CPNE4: variants seen among roughly 807,000 people sequenced by gnomAD.
CPNE4 encodes the protein copine-4.
In CPNE4, 25 loss-of-function variants were observed where a neutral mutation model predicts 67.9. That is an observed-to-expected ratio of 0.37 (90% CI 0.27 to 0.51). The LOEUF is 0.51. CPNE4 is among the 20% of genes least tolerant of loss of function. CPNE4 has a pLI of 0.93. For missense variants in CPNE4, 464 were observed against 690.8 expected, an observed-to-expected ratio of 0.67 and a Z score of 3.68; for synonymous variants, 242 against 244.9, an observed-to-expected ratio of 0.99 and a Z score of 0.11.
intron 2 of CPNE4, among the ~76,000 whole-genome samples, chr3:131,770,930 A>G (rs951163288): frequency 3.9e-5 from 6 of 152,186 alleles, no homozygotes; most frequent in Admixed American, 1.3e-4. Flanking sequence ...ATATCTTTTC[A>G]AAAGTTGGAT....
In CPNE4 at chr3:131,624,697, C is replaced by T. The variant is rs547001423; in HGVS notation, c.682-37115G>A. On this transcript the variant is annotated intron_variant, in intron 7 of 15. Transcript: ENST00000429747. ...GAGACCTAGAACCTATAAATCTTAACATGGAGTAATTTTTCAGGAGGCAAA... is the reference window on the plus strand; with the variant it reads ...GAGACCTAGAACCTATAAATCTTAATATGGAGTAATTTTTCAGGAGGCAAA... 1.2e-4 allele frequency among the ~76,000 whole-genome samples: 19 copies of T among 152,280 alleles called. No homozygotes were observed. In the South Asian group the frequency reaches 3.7e-3, roughly 30 times the overall value.
At position 131,533,755 on chromosome 3, in the gene CPNE4, C is replaced by A. The variant is rs1290085646; in HGVS notation, c.*1440G>T. On this transcript the variant is annotated 3_prime_UTR_variant, in exon 16 of 16. Transcript: ENST00000429747. ...TTTTATTTGCTTGTTAATACTGCTCCCCTCTTCAAACAAACAACAAATTTT... is the reference window on the plus strand; with the variant it reads ...TTTTATTTGCTTGTTAATACTGCTCACCTCTTCAAACAAACAACAAATTTT... The A allele has an allele frequency of 1.3e-5, 2 of 152,120 alleles. No homozygotes were observed. The highest frequency in any genetic ancestry group is 4.8e-5 in the African/African-American group (2 of 41,416). The allele number at this position is 152,120 out of a possible 1,614,324, so 9.4% of individuals were successfully genotyped here.
rs1342197178 is a variant in CPNE4, at chr3:132,034,752, G to T, written c.-187C>A. 9 of 985,218 alleles carry T rather than the reference G, an allele frequency of 9.1e-6. No homozygotes were observed. The highest frequency in any genetic ancestry group is 4.7e-5 in the South Asian group (1 of 21,266). The allele number at this position is 985,218 out of a possible 1,614,324, so 61.0% of individuals were successfully genotyped here. On this transcript the variant is annotated 5_prime_UTR_variant, in exon 1 of 16. Transcript: ENST00000429747. ...AGGTCAGTTTAGCAACAGCGGCTGG[G>T]AAAGGTGCTGAGAGCAGAGTTCGGT...
chr3:131,797,202 A>T (rs1289001385), intron 2 of CPNE4, among the ~76,000 whole-genome samples: 1 of 152,202 alleles, frequency 6.6e-6, no homozygotes, highest in African/African-American at 2.4e-5. Flanking sequence ...AGAATACTTT[A>T]CACCCCTCAT....
intron 2 of CPNE4, among the ~76,000 whole-genome samples, chr3:131,785,917 A>G (rs1224088285): frequency 6.6e-6 from 1 of 152,142 alleles, no homozygotes; most frequent in Non-Finnish European, 1.5e-5. Context: ...TTCAGATAGT[A>G]TAAATCAGAA....
At chr3:132,006,351 G>A (rs946113723) in intron 1 of CPNE4, among the ~76,000 whole-genome samples, 6 of 152,050 alleles carry the variant, frequency 3.9e-5, no homozygotes, top group African/African-American at 7.2e-5. Context: ...GGGTCATTGC[G>A]AAGAAATCAA....
At chr3:131,811,884 T>G (rs2084541341) in intron 2 of CPNE4, among the ~76,000 whole-genome samples, 1 of 152,096 alleles carries the variant, frequency 6.6e-6, no homozygotes, top group African/African-American at 2.4e-5. Flanking sequence ...TAGGAAACAG[T>G]CTCAAAGAGT....
chr3:131,896,499 G>T (rs970083660), intron 2 of CPNE4, among the ~76,000 whole-genome samples: 1 of 151,992 alleles, frequency 6.6e-6, no homozygotes, highest in Non-Finnish European at 1.5e-5. Context: ...AACCACAAAG[G>T]TGAACTCTAA....
At chr3:131,934,486 C>CAT (rs1386451597) in intron 1 of CPNE4, among the ~76,000 whole-genome samples, 7 of 152,136 alleles carry the variant, frequency 4.6e-5, no homozygotes, top group African/African-American at 1.7e-4. Flanking sequence ...CATAGGTATA[C>CAT]ATGTGCCATG....
intron 2 of CPNE4, among the ~76,000 whole-genome samples, chr3:131,761,044 A>G (rs1583156670): frequency 6.6e-6 from 1 of 152,140 alleles, no homozygotes; most frequent in African/African-American, 2.4e-5. Flanking sequence ...GTAGAATCTT[A>G]GCCTTCAGGG....
At chr3:131,741,083 AT>A (rs1233669285) in intron 2 of CPNE4, among the ~76,000 whole-genome samples, 6 of 151,988 alleles carry the variant, frequency 3.9e-5, no homozygotes, top group Non-Finnish European at 8.8e-5. Context: ...TCCCTCTAAC[AT>A]TTCCTATTTC....
intron 7 of CPNE4, among the ~76,000 whole-genome samples, chr3:131,656,078 G>A (rs1448488689): frequency 7.9e-6 from 1 of 126,512 alleles, no homozygotes; most frequent in Non-Finnish European, 1.6e-5. Context: ...TTTGTGACTT[G>A]CATTCCAGCC....
chr3:131,891,253 T>G (rs1305993392), intron 2 of CPNE4, among the ~76,000 whole-genome samples: 1 of 152,124 alleles, frequency 6.6e-6, no homozygotes, highest in African/African-American at 2.4e-5. Context: ...ATGAAGTTTT[T>G]TTTATAACAA....
upstream of CPNE4, among the ~76,000 whole-genome samples, chr3:132,035,925 T>C (rs1338252035): frequency 1.3e-5 from 2 of 152,158 alleles, no homozygotes; most frequent in African/African-American, 4.8e-5. Flanking sequence ...TAAGGGGCTA[T>C]CTAACAAAGC....
intron 6 of CPNE4, among the ~76,000 whole-genome samples, chr3:131,683,913 A>G (rs2080820808): frequency 6.6e-6 from 1 of 152,040 alleles, no homozygotes; most frequent in African/African-American, 2.4e-5. Flanking sequence ...TATGCCCAGT[A>G]TTGCTTTCTG....
chr3:131,902,713 A>C (rs1560569883), intron 2 of CPNE4, among the ~76,000 whole-genome samples: 1 of 152,166 alleles, frequency 6.6e-6, no homozygotes. Flanking sequence ...ATAAATATGT[A>C]CAAATAATAG....
At chr3:131,965,619 A>C (rs1335105864) in intron 1 of CPNE4, among the ~76,000 whole-genome samples, 4 of 152,242 alleles carry the variant, frequency 2.6e-5, no homozygotes, top group African/African-American at 9.6e-5. Context: ...AGATCAAAAA[A>C]GACAAAGAAG....
intron 1 of CPNE4, among the ~76,000 whole-genome samples, chr3:131,914,511 G>T (rs2089109820): frequency 1.3e-5 from 2 of 151,868 alleles, no homozygotes; most frequent in African/African-American, 4.8e-5. Context: ...TGCCCTCTGG[G>T]TTTCTTTCCT....
chr3:131,634,992 C>G (rs980563853), intron 7 of CPNE4, among the ~76,000 whole-genome samples: 1 of 152,116 alleles, frequency 6.6e-6, no homozygotes, highest in Non-Finnish European at 1.5e-5. Flanking sequence ...TAGCTTATCC[C>G]TTTGAAAAAC....
Sources: gnomAD v4.1 joint callset for allele counts (sites outside exome capture counted in the v4.1 genomes callset) on GRCh38, gnomAD v4.1.1 for gene constraint, MANE v1.5 for transcripts, NCBI Gene and HGNC (gene_info 2026-07-23, HGNC 2026-07-21) for gene names.